The following IFT172 variants were observed in gnomAD, a reference collection of about 807,000 sequenced individuals.
The protein encoded by IFT172 is intraflagellar transport 172.
A neutral mutation model predicts 248.9 loss-of-function variants in IFT172; 164 were observed. The ratio of observed to expected loss-of-function variants is 0.66; its 90% CI spans 0.58 to 0.75. The LOEUF (loss-of-function observed/expected upper bound fraction) is 0.75. Ranked by LOEUF, IFT172 falls within the 30% of genes least tolerant of loss-of-function variation. The pLI is 0.00. For missense variants in IFT172, 1,950 were observed against 2,192.4 expected (o/e 0.89, Z 2.21); for synonymous variants, 729 against 791.6 (o/e 0.92, Z 1.33).
chr2:27,445,601 C>T lies in IFT172; in HGVS notation c.4914+144G>A, dbSNP rs1572708816. 3.1e-6 allele frequency: 4 copies of T among 1,300,014 alleles called. No homozygotes were observed. In the East Asian group the frequency reaches 9.7e-5, roughly 32 times the overall value. The allele number at this position is 1,300,014 out of a possible 1,614,324, so 80.5% of individuals were successfully genotyped here. A position where few individuals can be genotyped will look rare whatever the true frequency, so the allele number is the denominator to read the frequency against. Reference sequence around the variant, plus strand: ...TTGGATTGGGGGATGCAGTCACAGCCTTTTCTTTCTATTTTGCTTCTACTT... The same window carrying T: ...TTGGATTGGGGGATGCAGTCACAGCTTTTTCTTTCTATTTTGCTTCTACTT... On this transcript the variant is annotated intron_variant, in intron 45 of 47. Coordinates refer to ENST00000260570, the MANE Select transcript of IFT172 (RefSeq NM_015662.3). This position sits in a 1 kb window ranked among gnomAD's most constrained non-coding sequence, Gnocchi z 4.4.
Position 27,454,967 on chromosome 2 carries a change from C to G in IFT172, c.3372-307G>C, listed in dbSNP as rs1168585130. ...GGAAGGGAGGAGTGAGCCTCGCAGC[C>G]CTACACTGACAGGGCTAGGAGGGCT... On this transcript the variant is annotated intron_variant, in intron 30 of 47. Transcript: ENST00000260570. The surrounding 1 kb of genome is among the most constrained non-coding windows in gnomAD (Gnocchi z 4.2). 2.6e-5 allele frequency among the ~76,000 whole-genome samples: 4 copies of G among 152,068 alleles called. No homozygotes were observed. The highest frequency in any genetic ancestry group is 9.7e-5 in the African/African-American group (4 of 41,404).
Position 27,447,821 on chromosome 2 carries a change from G to A in IFT172, c.4530C>T (p.Leu1510=), listed in dbSNP as rs1368430258. 1 of 1,612,236 alleles carries A rather than the reference G, an allele frequency of 6.2e-7. No individual in the cohort carries two copies. The highest frequency in any genetic ancestry group is 1.3e-5 in the African/African-American group (1 of 75,030). Residue 1510 remains leucine, a synonymous_variant, in exon 41 of 48, where the codon CTC becomes CTT. Coordinates refer to ENST00000260570, the MANE Select transcript of IFT172 (RefSeq NM_015662.3). ...YHSWADLRDV[L]FNLCENLVKS... The stretch of plus-strand genomic sequence containing the variant: ...CCTTTCGCTTCCTCACCAGGTTGAA[G>A]AGGACATCTCGAAGATCAGCCCAGC...
At chr2:27,467,418 GAAAAAA>G (rs34115935) in intron 16 of IFT172, among the ~76,000 whole-genome samples, 48 of 16,430 alleles carry the variant, frequency 2.9e-3, no homozygotes, top group African/African-American at 0.011. Context: ...ACAGAAAATT[GAAAAAA>G]AAAAAAAAAA....
intron 26 of IFT172, 92 bp from the exon 27 acceptor site, chr2:27,458,315 C>G (rs971354764): frequency 3.2e-5 from 33 of 1,037,558 alleles, no homozygotes; most frequent in Non-Finnish European, 4.8e-5. Flanking sequence ...ACTCTGAACT[C>G]TCCCAACAAT....
At position 27,481,107 on chromosome 2, in the gene IFT172, C is replaced by G. The variant is rs1371416642; in HGVS notation, c.724G>C (p.Glu242Gln). ...FDYSRDPQER[E>Q]FTTAVSSPGG... is the part of the protein sequence containing the mutation. ...GGACTTGATACAGCTGTGGTGAACT[C>G]CCGCTCCTGAGGGTCACGGCTATAA... The change falls in exon 8 of 48, where the codon GAG becomes CAG. Residue 242 changes from glutamate to glutamine, a missense_variant. Physicochemically the swap from Glu to Gln is conservative, Grantham distance 29. This residue lies in a region of IFT172 where 1,166 missense variants were observed against 1,254.1 expected (regional missense o/e 0.93). Coordinates refer to ENST00000260570, the MANE Select transcript of IFT172 (RefSeq NM_015662.3). The G allele has an allele frequency of 6.2e-7, 1 of 1,614,098 alleles. No individual in the cohort carries two copies. Among genetic ancestry groups the G allele is most frequent in the Admixed American group, 1.7e-5 (1 of 60,014 alleles).
intron 35 of IFT172, among the ~76,000 whole-genome samples, chr2:27,451,058 T>C (rs1207157997): frequency 6.6e-6 from 1 of 151,976 alleles, no homozygotes; most frequent in Non-Finnish European, 1.5e-5. Flanking sequence ...AGTGCTGGTA[T>C]AGATGGTCTT....
At chr2:27,489,316 C>T (rs146590335) in intron 1 of IFT172, among the ~76,000 whole-genome samples, 3 of 152,316 alleles carry the variant, frequency 2.0e-5, no homozygotes, top group Non-Finnish European at 4.4e-5. Flanking sequence ...ATGTGCACCT[C>T]ACCCTCTAAT....
intron 3 of IFT172, 85 bp downstream of exon 3, chr2:27,484,933 C>T (rs966298554): frequency 1.2e-6 from 1 of 817,072 alleles, no homozygotes; most frequent in Non-Finnish European, 2.1e-6. Context: ...CTTCTCATCC[C>T]CTGTATTTCC....
rs1407844749 is a variant in IFT172, at chr2:27,461,667, G to A, written c.2193+92C>T. On this transcript the variant is annotated intron_variant, in intron 21 of 47. Transcript: ENST00000260570. Reference sequence around the variant, plus strand: ...CACATCAAGTCCAAGCCCCAACCCTGTTCTGGTTTCTATGGCCTCCTTGAC... The same window carrying A: ...CACATCAAGTCCAAGCCCCAACCCTATTCTGGTTTCTATGGCCTCCTTGAC... The A allele has an allele frequency of 3.8e-5, 59 of 1,563,798 alleles. 2 individuals are homozygous for A. In the South Asian group the frequency reaches 4.7e-4, roughly 13 times the overall value.
rs568445682 is a variant in IFT172 at position 27,472,066 on chromosome 2, G to A, written c.1524+184C>T. The A allele has an allele frequency of 1.8e-4, 109 of 592,772 alleles. No homozygotes were observed. The African/African-American group carries it at 2.0e-3, about 11-fold the overall frequency. The allele number at this position is 592,772 out of a possible 1,614,324, so 36.7% of individuals were successfully genotyped here. On this transcript the variant is annotated intron_variant, in intron 15 of 47. Transcript: ENST00000260570. Reference sequence around the variant, plus strand: ...AAAAAAAAAAAAAGAGGTAATAAAGGATGGGTTTTGCTATCAGTTTTGGTA... The same window carrying A: ...AAAAAAAAAAAAAGAGGTAATAAAGAATGGGTTTTGCTATCAGTTTTGGTA...
intron 35 of IFT172, among the ~76,000 whole-genome samples, chr2:27,452,235 C>A (rs971459153): frequency 1.8e-4 from 27 of 152,172 alleles, no homozygotes; most frequent in African/African-American, 5.1e-4. Flanking sequence ...AGAATTCTTC[C>A]TGTTTGACTG....
intron 7 of IFT172, among the ~76,000 whole-genome samples, chr2:27,482,089 TCTC>T (rs2148553019): frequency 6.6e-6 from 1 of 151,934 alleles, no homozygotes; most frequent in East Asian, 1.9e-4. Context: ...TTCAAGCAAT[TCTC>T]CTGCCTCAGC....
intron 4 of IFT172, 125 bp from the exon 5 acceptor site, chr2:27,484,062 C>G (rs1668575847): frequency 2.4e-6 from 3 of 1,273,076 alleles, no homozygotes; most frequent in Non-Finnish European, 3.4e-6. Context: ...CAGCAGGGCT[C>G]TAAGGAAGAC....
chr2:27,465,894 T>C lies in IFT172; in HGVS notation c.1693-12A>G. ...CCTATAACATCACCCTGTAAAAGTT[T>C]ATCCCCCAACCCACCCCAATTTCAG... On this transcript the variant is annotated splice_polypyrimidine_tract_variant and intron_variant, in intron 16 of 47. Transcript: ENST00000260570. 9.9e-6 allele frequency: 16 copies of C among 1,614,024 alleles called. No homozygotes were observed. The highest frequency in any genetic ancestry group is 1.4e-5 in the Non-Finnish European group (16 of 1,179,930).
intron 29 of IFT172, among the ~76,000 whole-genome samples, chr2:27,456,939 G>T (rs1387096075): frequency 6.6e-6 from 1 of 152,104 alleles, no homozygotes; most frequent in Non-Finnish European, 1.5e-5. Context: ...CAGCTACTCG[G>T]GAGGCTGAGG....
rs767064547 is a variant in IFT172, at chr2:27,461,466, C to T, written c.2245G>A (p.Asp749Asn). ...CCTGCTCGCTCCTCTTGCTGTGTGT[C>T]CATCAGCCACTGGTAGTAACTACGA... ...LRRSYYQWLM[D>N]TQQEERAGEL... Residue 749 changes from aspartate to asparagine, a missense_variant, in exon 22 of 48, where the codon GAC (aspartate) becomes AAC (asparagine). This residue lies in a region of IFT172 where 1,166 missense variants were observed against 1,254.1 expected (regional missense o/e 0.93). Coordinates refer to ENST00000260570, the MANE Select transcript of IFT172 (RefSeq NM_015662.3). 2 of 1,614,142 alleles carry T rather than the reference C, an allele frequency of 1.2e-6. No individual in the cohort carries two copies. Among genetic ancestry groups the T allele is most frequent in the Admixed American group, 3.3e-5 (2 of 60,016 alleles).
chr2:27,488,744 T>A (rs981305586), intron 1 of IFT172, among the ~76,000 whole-genome samples: 2 of 152,190 alleles, frequency 1.3e-5, no homozygotes, highest in East Asian at 3.8e-4. Flanking sequence ...AATGAAGAAG[T>A]TGGTGAGTGC....
intron 1 of IFT172, among the ~76,000 whole-genome samples, chr2:27,487,736 G>GCGGCTGCTGC: frequency 6.6e-6 from 1 of 152,068 alleles, no homozygotes; most frequent in South Asian, 2.1e-4. Flanking sequence ...GGGATTACAG[G>GCGGCTGCTGC]CATGCGCCAC....
intron 25 of IFT172, chr2:27,459,141 C>T (rs573035564): frequency 8.2e-5 from 51 of 623,698 alleles, no homozygotes; most frequent in African/African-American, 9.2e-5. Context: ...TGAAGAATCA[C>T]GCTGACTGGA....
Sources: allele counts gnomAD v4.1 joint callset (sites outside exome capture counted in the v4.1 genomes callset), GRCh38; gene constraint gnomAD v4.1.1; regional missense constraint gnomAD v4.1.1; non-coding constraint Gnocchi (gnomAD v3.1); transcripts MANE v1.5; gene names NCBI Gene and HGNC (gene_info 2026-07-23, HGNC 2026-07-21).